The following OBI1 variants were observed in gnomAD, a reference collection of about 807,000 sequenced individuals.
OBI1 encodes the protein ring finger protein 219.
In OBI1, 59 loss-of-function variants were observed where a neutral mutation model predicts 62.4. The ratio of observed to expected loss-of-function variants is 0.95; its 90% CI spans 0.77 to 1.17. The LOEUF (loss-of-function observed/expected upper bound fraction) is 1.17, where lower values mean the gene tolerates loss of function less well. OBI1 is among the 50% of genes most tolerant of loss of function. OBI1 has a pLI of 0.00. For missense variants in OBI1, 875 were observed against 830.9 expected, an observed-to-expected ratio of 1.05 and a Z score of -0.65; for synonymous variants, 302 against 292.8, an observed-to-expected ratio of 1.03 and a Z score of -0.32.
Position 78,615,872 on chromosome 13 carries a change from G to A in OBI1, c.1889C>T (p.Ser630Phe), listed in dbSNP as rs1416809604. The A allele has an allele frequency of 6.2e-7, 1 of 1,614,028 alleles. No individual in the cohort carries two copies. Among genetic ancestry groups the A allele is most frequent in the Non-Finnish European group, 8.5e-7 (1 of 1,180,014 alleles). Reference protein sequence around the residue: ...QEMNEDFSLHSSSCPVTNEIK... With the variant: ...QEMNEDFSLHFSSCPVTNEIK... ...TTCATTAGTTACTGGACAAGAACTG[G>A]AATGGAGTGAAAAATCTTCATTCAT... The change falls in exon 6 of 6, where the codon TCC becomes TTC. Residue 630 changes from serine (S) to phenylalanine (F), a missense_variant. Ser to Phe is a radical substitution (Grantham distance 155). Coordinates refer to ENST00000282003, the MANE Select transcript of OBI1 (RefSeq NM_024546.4).
intron 5 of OBI1, among the ~76,000 whole-genome samples, chr13:78,630,007 T>C (rs1378952795): frequency 1.3e-5 from 2 of 152,138 alleles, no homozygotes; most frequent in Non-Finnish European, 2.9e-5. Flanking sequence ...AGGGACCGCT[T>C]AGTACTCCTA....
At chr13:78,619,326 T>C (rs1875433587) in intron 5 of OBI1, among the ~76,000 whole-genome samples, 1 of 114,638 alleles carries the variant, frequency 8.7e-6, no homozygotes, top group African/African-American at 4.7e-5. Flanking sequence ...TCTCTCTCTA[T>C]ATATTTTTTT....
Position 78,617,957 on chromosome 13 carries a change from C to T in OBI1, c.639-835G>A, listed in dbSNP as rs148535694. On this transcript the variant is annotated intron_variant, in intron 5 of 5. Coordinates refer to ENST00000282003, the MANE Select transcript of OBI1 (RefSeq NM_024546.4). ...ACCGGGATTATCTTGCTGTTATTTC[C>T]ACCAAGAATGAGTACTGTGTTAAGC... Among the ~76,000 whole-genome samples, 385 of 152,058 alleles carry T rather than the reference C, an allele frequency of 2.5e-3. 1 individual carries two copies. The highest frequency in any genetic ancestry group is 4.5e-3 in the Non-Finnish European group (308 of 67,994).
At chr13:78,657,958 G>C (rs190970767) in intron 1 of OBI1, among the ~76,000 whole-genome samples, 1 of 152,150 alleles carries the variant, frequency 6.6e-6, no homozygotes, top group Non-Finnish European at 1.5e-5. Context: ...TGATCTCCCA[G>C]CACATTTGCT....
chr13:78,631,272 A>T (rs899106810), intron 5 of OBI1, among the ~76,000 whole-genome samples: 5 of 152,218 alleles, frequency 3.3e-5, no homozygotes, highest in Admixed American at 2.6e-4. Flanking sequence ...TTGCTCAAAC[A>T]GAACAAAGTC....
chr13:78,641,677 A>G (rs1346377092), intron 3 of OBI1, among the ~76,000 whole-genome samples: 1 of 152,178 alleles, frequency 6.6e-6, no homozygotes, highest in Non-Finnish European at 1.5e-5. Context: ...CTTTACTAGA[A>G]TTGATCAGGC....
intron 1 of OBI1, among the ~76,000 whole-genome samples, chr13:78,658,405 C>G (rs1566290104): frequency 6.6e-6 from 1 of 152,182 alleles, no homozygotes; most frequent in Non-Finnish European, 1.5e-5. Context: ...GCACCTCTTG[C>G]ATCACAAAGA....
At chr13:78,637,894 C>G (rs1348129681) in intron 4 of OBI1, among the ~76,000 whole-genome samples, 1 of 152,168 alleles carries the variant, frequency 6.6e-6, no homozygotes, top group African/African-American at 2.4e-5. Context: ...TATTTCTCTG[C>G]TACTTAACCT....
rs144118780 is a variant in OBI1, at chr13:78,616,672, A to G, written c.1089T>C (p.Tyr363=). 21 of 1,614,156 alleles carry G rather than the reference A, an allele frequency of 1.3e-5. No individual in the cohort carries two copies. The East Asian group carries it at 3.1e-4, about 24-fold the overall frequency. The change falls in exon 6 of 6, where the codon TAT becomes TAC. Residue 363 remains tyrosine, a synonymous_variant. Coordinates refer to ENST00000282003, the MANE Select transcript of OBI1 (RefSeq NM_024546.4). ...LDVTDTSMDT[Y]LEREWGNKPS... The stretch of plus-strand genomic sequence containing the variant: ...GTTTATTCCCCCATTCTCTTTCCAA[A>G]TAAGTATCCATACTTGTATCTGTCA...
chr13:78,627,627 T>C lies in OBI1; in HGVS notation c.638+7483A>G, dbSNP rs554713625. ...GATCTCATTCCTTTTTATGGCTGCA[T>C]AGCATTCCATGCTGTATATGTACCA... On this transcript the variant is annotated intron_variant, in intron 5 of 5. Transcript: ENST00000282003. Among the ~76,000 whole-genome samples the C allele has an allele frequency of 2.6e-4, 39 of 152,378 alleles. 1 individual carries two copies. The highest frequency in any genetic ancestry group is 8.7e-4 in the African/African-American group (36 of 41,602).
rs140999119 is a variant in OBI1, at chr13:78,638,074, T to C, written c.549+749A>G. Among the ~76,000 whole-genome samples the C allele has an allele frequency of 2.4e-4, 37 of 152,312 alleles. No individual in the cohort carries two copies. The East Asian group carries it at 5.2e-3, about 21-fold the overall frequency. ...CTGAGTACTACAAAGCCATCTCCTTTCAGCACAAGAGGACTCCACTGTGGA... is the reference window on the plus strand; with the variant it reads ...CTGAGTACTACAAAGCCATCTCCTTCCAGCACAAGAGGACTCCACTGTGGA... On this transcript the variant is annotated intron_variant, in intron 4 of 5. Coordinates refer to ENST00000282003, the MANE Select transcript of OBI1 (RefSeq NM_024546.4).
chr13:78,615,537 A>AT lies in OBI1; in HGVS notation c.*42dup. On this transcript the variant is annotated 3_prime_UTR_variant, in exon 6 of 6. Transcript: ENST00000282003. Reference sequence around the variant, plus strand: ...AAAAGGTAACTTTAACAACTTTTCTATTTCTCTCAGGACAAAACCACAAAT... The same window carrying AT: ...AAAAGGTAACTTTAACAACTTTTCTATTTTCTCTCAGGACAAAACCACAAAT... 7.0e-7 allele frequency: 1 copy of AT among 1,423,780 alleles called. No individual in the cohort carries two copies. Among genetic ancestry groups the AT allele is most frequent in the African/African-American group, 1.4e-5 (1 of 69,772 alleles). 88.2% of individuals were successfully genotyped at this position (1,423,780 alleles called of 1,614,324 possible). A position where few individuals can be genotyped will look rare whatever the true frequency, so the allele number is the denominator to read the frequency against.
chr13:78,642,377 TGAG>T (rs1261905815), intron 2 of OBI1, among the ~76,000 whole-genome samples, 164 bp from the exon 3 acceptor site: 2 of 151,856 alleles, frequency 1.3e-5, no homozygotes, highest in Admixed American at 6.6e-5. Flanking sequence ...ACCCTAATCT[TGAG>T]GAAAAAAAAA....
intron 1 of OBI1, 127 bp downstream of exon 1, chr13:78,658,922 C>T (rs1876794792): frequency 8.2e-6 from 6 of 729,346 alleles, no homozygotes; most frequent in Non-Finnish European, 1.4e-5. Flanking sequence ...ATCAAGAACG[C>T]GGGTTAGCGT....
intron 5 of OBI1, among the ~76,000 whole-genome samples, chr13:78,630,310 G>C (rs1192121253): frequency 6.6e-6 from 1 of 152,006 alleles, no homozygotes; most frequent in Non-Finnish European, 1.5e-5. Flanking sequence ...ACAGAAGTAG[G>C]GAGAACATAA....
intron 5 of OBI1, among the ~76,000 whole-genome samples, chr13:78,624,341 G>A (rs1231127772): frequency 6.6e-6 from 1 of 152,200 alleles, no homozygotes; most frequent in Non-Finnish European, 1.5e-5. Flanking sequence ...TGCCCTTGCA[G>A]TAATTCCTTA....
At chr13:78,625,664 C>T (rs1925739) in intron 5 of OBI1, among the ~76,000 whole-genome samples, 5,260 of 152,242 alleles carry the variant, frequency 0.035, 145 homozygotes, top group Middle Eastern at 0.065. Flanking sequence ...CTGTCTATCC[C>T]CAATTAAGTG....
intron 1 of OBI1, among the ~76,000 whole-genome samples, chr13:78,646,437 A>G (rs1006268304): frequency 2.0e-5 from 3 of 152,350 alleles, no homozygotes; most frequent in Middle Eastern, 3.4e-3. Context: ...TAATGATTTA[A>G]TATTTTTTGA....
intron 5 of OBI1, among the ~76,000 whole-genome samples, chr13:78,619,107 T>A (rs1763070156): frequency 1.3e-5 from 2 of 152,024 alleles, no homozygotes; most frequent in African/African-American, 4.8e-5. Context: ...TCTCCTCAGA[T>A]AAAAAAATCA....
Sources: gnomAD v4.1 joint callset for allele counts (sites outside exome capture counted in the v4.1 genomes callset) on GRCh38, gnomAD v4.1.1 for gene constraint, MANE v1.5 for transcripts, NCBI Gene and HGNC (gene_info 2026-07-23, HGNC 2026-07-21) for gene names.